SH3GL2: variants seen among roughly 807,000 people sequenced by gnomAD.
SH3GL2 encodes the protein SH3 domain containing GRB2 like 2, endophilin A1.
In SH3GL2, 24 loss-of-function variants were observed where a neutral mutation model predicts 46.0. The ratio of observed to expected loss-of-function variants is 0.52; its 90% CI spans 0.38 to 0.73. SH3GL2 has a LOEUF of 0.73. Ranked by LOEUF, SH3GL2 falls within the 30% of genes least tolerant of loss-of-function variation. The pLI, the probability that SH3GL2 is intolerant of heterozygous loss-of-function variation, is 0.00. For missense variants in SH3GL2, 413 were observed against 424.2 expected, an observed-to-expected ratio of 0.97 and a Z score of 0.23; for synonymous variants, 196 against 147.1, an observed-to-expected ratio of 1.33 and a Z score of -2.40.
chr9:17,693,964 A>G (rs1821144480), intron 1 of SH3GL2, among the ~76,000 whole-genome samples: 2 of 152,204 alleles, frequency 1.3e-5, no homozygotes, highest in South Asian at 4.1e-4. Context: ...ATCTGAATTT[A>G]TGTGAAGTGT....
intron 1 of SH3GL2, among the ~76,000 whole-genome samples, chr9:17,686,234 A>G (rs1369686963): frequency 5.6e-5 from 7 of 125,550 alleles, no homozygotes; most frequent in African/African-American, 9.6e-5. Flanking sequence ...CAAAACCACA[A>G]TGAGATACCA....
chr9:17,746,777 G>A (rs1023437085), intron 1 of SH3GL2, among the ~76,000 whole-genome samples: 3 of 152,178 alleles, frequency 2.0e-5, no homozygotes, highest in South Asian at 4.1e-4. Flanking sequence ...GAAAATGTTA[G>A]GATTAGGTAG....
intron 1 of SH3GL2, among the ~76,000 whole-genome samples, chr9:17,702,324 G>C (rs1821359834): frequency 6.6e-6 from 1 of 151,972 alleles, no homozygotes; most frequent in African/African-American, 2.4e-5. Context: ...AACCAGTGAA[G>C]AAATTTGAAA....
At chr9:17,745,980 T>G (rs1822670362) in intron 1 of SH3GL2, among the ~76,000 whole-genome samples, 1 of 152,232 alleles carries the variant, frequency 6.6e-6, no homozygotes, top group African/African-American at 2.4e-5. Flanking sequence ...CCATTAACAT[T>G]TAGTATTTGT....
chr9:17,685,361 G>T (rs1820875636), intron 1 of SH3GL2, among the ~76,000 whole-genome samples: 1 of 151,994 alleles, frequency 6.6e-6, no homozygotes, highest in South Asian at 2.1e-4. Flanking sequence ...GATTGGATGA[G>T]GTCCCCCCAC....
intron 1 of SH3GL2, among the ~76,000 whole-genome samples, chr9:17,609,920 C>G (rs1375805506): frequency 1.3e-5 from 2 of 152,118 alleles, no homozygotes; most frequent in Non-Finnish European, 2.9e-5. Flanking sequence ...CTAGAGAGCT[C>G]CAGACACACG....
At chr9:17,771,593 A>G (rs1261952593) in intron 3 of SH3GL2, among the ~76,000 whole-genome samples, 2 of 152,206 alleles carry the variant, frequency 1.3e-5, no homozygotes, top group Non-Finnish European at 2.9e-5. Context: ...TATTTTTCAG[A>G]TTTCACAAAC....
chr9:17,753,482 A>G (rs1178246746), intron 2 of SH3GL2, among the ~76,000 whole-genome samples: 2 of 152,098 alleles, frequency 1.3e-5, no homozygotes. Flanking sequence ...CTTCTTTTGA[A>G]AAGTATTCAT....
chr9:17,718,150 C>G (rs1821805893), intron 1 of SH3GL2, among the ~76,000 whole-genome samples: 1 of 152,080 alleles, frequency 6.6e-6, no homozygotes, highest in South Asian at 2.1e-4. Context: ...AGTTGTAATA[C>G]TTTAGCATTT....
chr9:17,684,086 GAAAC>G (rs1259463803), intron 1 of SH3GL2, among the ~76,000 whole-genome samples: 2 of 152,008 alleles, frequency 1.3e-5, no homozygotes, highest in Non-Finnish European at 2.9e-5. Context: ...ACACATAAAA[GAAAC>G]AAAGCAATCA....
At chr9:17,615,547 C>G (rs570570330) in intron 1 of SH3GL2, among the ~76,000 whole-genome samples, 1 of 150,242 alleles carries the variant, frequency 6.7e-6, no homozygotes, top group Non-Finnish European at 1.5e-5. Context: ...CCCAGCTACT[C>G]GGGAAGCTGA....
chr9:17,660,410 A>G (rs141941214), intron 1 of SH3GL2, among the ~76,000 whole-genome samples: 1 of 152,124 alleles, frequency 6.6e-6, no homozygotes, highest in Non-Finnish European at 1.5e-5. Context: ...CTGACTGTTC[A>G]TGCCCATATG....
intron 2 of SH3GL2, among the ~76,000 whole-genome samples, chr9:17,751,752 G>A (rs1439999156): frequency 6.6e-6 from 1 of 152,106 alleles, no homozygotes; most frequent in African/African-American, 2.4e-5. Flanking sequence ...TAGAGTTTCA[G>A]CTGGAATGCT....
At chr9:17,710,999 C>G (rs1331537499) in intron 1 of SH3GL2, among the ~76,000 whole-genome samples, 2 of 151,892 alleles carry the variant, frequency 1.3e-5, no homozygotes, top group Non-Finnish European at 2.9e-5. Flanking sequence ...CATTCTCTGT[C>G]TCTCGCTCTC....
chr9:17,754,082 C>A (rs923700046), intron 2 of SH3GL2, among the ~76,000 whole-genome samples: 3 of 152,098 alleles, frequency 2.0e-5, no homozygotes, highest in Non-Finnish European at 2.9e-5. Flanking sequence ...GTTATTGTAG[C>A]CCTGTAGTAT....
intron 1 of SH3GL2, among the ~76,000 whole-genome samples, chr9:17,684,835 T>C (rs1479541903): frequency 6.6e-6 from 1 of 152,092 alleles, no homozygotes; most frequent in East Asian, 1.9e-4. Context: ...CTTCAAAATA[T>C]CCTTCAAAAT....
intron 1 of SH3GL2, among the ~76,000 whole-genome samples, chr9:17,729,149 G>T (rs79435940): frequency 1.3e-5 from 2 of 152,074 alleles, no homozygotes; most frequent in Admixed American, 1.3e-4. Context: ...GACTTTTAAT[G>T]ATCATTATTG....
chr9:17,762,618 T>A (rs991249020), intron 3 of SH3GL2, among the ~76,000 whole-genome samples: 17 of 152,172 alleles, frequency 1.1e-4, no homozygotes, highest in African/African-American at 4.1e-4. Flanking sequence ...TAAAACACAT[T>A]AGAAATGAGC....
At chr9:17,747,862 T>TG (rs1396370095) in intron 2 of SH3GL2, among the ~76,000 whole-genome samples, 1 of 151,898 alleles carries the variant, frequency 6.6e-6, no homozygotes, top group African/African-American at 2.4e-5. Context: ...TTTGTAGAGA[T>TG]GGGGTTTTAC....
Sources: gnomAD v4.1 joint callset for allele counts (sites outside exome capture counted in the v4.1 genomes callset) on GRCh38, gnomAD v4.1.1 for gene constraint, MANE v1.5 for transcripts, NCBI Gene and HGNC (gene_info 2026-07-23, HGNC 2026-07-21) for gene names.